The following WSCD2 variants were observed in gnomAD, a reference collection of about 807,000 sequenced individuals.
WSCD2 encodes the protein WSC domain sialate O sulfotransferase 2, also known as sialate:O-sulfotransferase 2.
Under a neutral mutation model 55.7 loss-of-function variants are expected in WSCD2, and 28 were observed. The ratio of observed to expected loss-of-function variants is 0.50; its 90% CI spans 0.37 to 0.69. WSCD2 has a LOEUF of 0.69. Among genes scored for constraint, WSCD2 ranks in the 30% least tolerant of loss-of-function variants. The probability of loss-of-function intolerance (pLI) is 0.00; values close to 1 mark genes in which losing one functional copy is unlikely to be tolerated. For synonymous variants in WSCD2, 301 were observed against 301.9 expected (o/e 1.00, Z 0.03); for missense variants, 616 against 762.1 (o/e 0.81, Z 2.26).
intron 3 of WSCD2, among the ~76,000 whole-genome samples, chr12:108,208,996 G>A (rs554754472): frequency 6.6e-6 from 1 of 152,302 alleles, no homozygotes; most frequent in Non-Finnish European, 1.5e-5. Flanking sequence ...GAGAACAAGA[G>A]CACAAGTGCT....
intron 1 of WSCD2, among the ~76,000 whole-genome samples, chr12:108,135,317 T>C (rs1208706226): frequency 2.0e-5 from 3 of 152,208 alleles, no homozygotes; most frequent in Non-Finnish European, 4.4e-5. Context: ...GAGCTTACAA[T>C]CTGAGGTAGA....
At chr12:108,244,002 G>A (rs770060587) in intron 8 of WSCD2, among the ~76,000 whole-genome samples, 5 of 152,168 alleles carry the variant, frequency 3.3e-5, no homozygotes, top group Admixed American at 6.5e-5. Context: ...ATTATACAAG[G>A]TGAATTGTCC....
At chr12:108,156,434 T>C (rs1878519532) in intron 1 of WSCD2, among the ~76,000 whole-genome samples, 1 of 152,214 alleles carries the variant, frequency 6.6e-6, no homozygotes. Context: ...TGGTGCATAG[T>C]AGGGTCTTCA....
chr12:108,240,440 C>T lies in WSCD2; in HGVS notation c.1241C>T (p.Ala414Val), dbSNP rs1889636746. 4 of 1,614,042 alleles carry T rather than the reference C, an allele frequency of 2.5e-6. No individual in the cohort carries two copies. The highest frequency in any genetic ancestry group is 3.4e-6 in the Non-Finnish European group (4 of 1,180,048). ...GQKEIEAFDA[A>V]ILLIRNPYKA... is the part of the protein sequence containing the mutation. ...AAAGAGATCGAGGCCTTCGACGCCG[C>T]CATCCTGCTCATCCGCAACCCCTAC... The change falls in exon 8 of 9, where the codon GCC becomes GTC. Residue 414 changes from alanine to valine, a missense_variant. Coordinates refer to ENST00000547525, the MANE Select transcript of WSCD2 (RefSeq NM_014653.4).
Position 108,240,559 on chromosome 12 carries a change from AGGAGG to A in WSCD2, c.1345+33_1345+37del, listed in dbSNP as rs760229322. 3.1e-3 allele frequency: 1,145 copies of A among 370,034 alleles called. 4 individuals carry two copies. The highest frequency in any genetic ancestry group is 3.8e-3 in the Non-Finnish European group (991 of 260,350). 22.9% of individuals were successfully genotyped at this position (370,034 alleles called of 1,614,324 possible). On this transcript the variant is annotated intron_variant, in intron 8 of 8. Coordinates refer to ENST00000547525, the MANE Select transcript of WSCD2 (RefSeq NM_014653.4). ...GAAGGGCAAAGGTACAGCTCGGGAG[AGGAGG>A]GGAGGGGAGGGGAGGGGCTTCGGGC...
At chr12:108,130,295 C>T (rs1320814307) in intron 1 of WSCD2, among the ~76,000 whole-genome samples, 3 of 152,116 alleles carry the variant, frequency 2.0e-5, no homozygotes, top group African/African-American at 4.8e-5. Flanking sequence ...TCTTTCTGGC[C>T]AGTGCAGAGT....
At chr12:108,159,892 G>C (rs1878889037) in intron 1 of WSCD2, among the ~76,000 whole-genome samples, 1 of 152,200 alleles carries the variant, frequency 6.6e-6, no homozygotes, top group African/African-American at 2.4e-5. Context: ...CAAGGATTCA[G>C]TACTGTTGAG....
chr12:108,246,043 G>A (rs2137249253), intron 8 of WSCD2, among the ~76,000 whole-genome samples: 1 of 152,362 alleles, frequency 6.6e-6, no homozygotes, highest in South Asian at 2.1e-4. Context: ...AGCACCTGCT[G>A]AGTACAGGCA....
At position 108,227,131 on chromosome 12, in the gene WSCD2, A is replaced by G. The variant is rs555016372; in HGVS notation, c.946A>G (p.Ser316Gly). 1 of 1,614,138 alleles carries G rather than the reference A, an allele frequency of 6.2e-7. No homozygotes were observed. Among genetic ancestry groups the G allele is most frequent in the Admixed American group, 1.7e-5 (1 of 60,016 alleles). ...AEEFESCGTP[S>G]YFIVYQTQVQ... is the part of the protein sequence containing the mutation. ...GGAGTTTGAGAGCTGCGGGACTCCT[A>G]GTTACTTCATTGTGTACCAGACACA... is the stretch of plus-strand genomic sequence containing the variant. Residue 316 changes from serine (S) to glycine (G), a missense_variant, in exon 6 of 9, where the codon AGT becomes GGT. Coordinates refer to ENST00000547525, the MANE Select transcript of WSCD2 (RefSeq NM_014653.4).
intron 2 of WSCD2, among the ~76,000 whole-genome samples, chr12:108,197,501 G>T (rs569833939): frequency 6.6e-6 from 1 of 152,226 alleles, no homozygotes; most frequent in South Asian, 2.1e-4. Flanking sequence ...CAGGCAAATG[G>T]TTTTACCTTC....
chr12:108,244,585 G>T, intron 8 of WSCD2: 1 of 702,658 alleles, frequency 1.4e-6, no homozygotes, highest in Non-Finnish European at 2.6e-6. Flanking sequence ...GTAGGAGGTA[G>T]GTCTTATCCA....
chr12:108,146,941 C>T (rs972889878), intron 1 of WSCD2, among the ~76,000 whole-genome samples: 3 of 152,218 alleles, frequency 2.0e-5, no homozygotes, highest in African/African-American at 7.2e-5. Context: ...TCCATACATA[C>T]AAAACATTTA....
At chr12:108,234,234 G>T (rs1295664925) in intron 7 of WSCD2, among the ~76,000 whole-genome samples, 1 of 152,240 alleles carries the variant, frequency 6.6e-6, no homozygotes, top group Non-Finnish European at 1.5e-5. Flanking sequence ...ATAAAAGTTG[G>T]CTCTGGGTAC....
At chr12:108,246,839 G>A (rs1890122853) in intron 8 of WSCD2, among the ~76,000 whole-genome samples, 1 of 152,144 alleles carries the variant, frequency 6.6e-6, no homozygotes, top group Non-Finnish European at 1.5e-5. Flanking sequence ...ACAGCATAAT[G>A]AGTGCTGTGG....
chr12:108,149,888 T>G (rs1026295850), intron 1 of WSCD2: 2 of 152,172 alleles, frequency 1.3e-5, no homozygotes, highest in South Asian at 4.2e-4. Context: ...TCATGTGATG[T>G]TCTCCACAAC....
chr12:108,239,639 G>A (rs750435622), intron 7 of WSCD2, among the ~76,000 whole-genome samples: 14 of 152,184 alleles, frequency 9.2e-5, no homozygotes, highest in East Asian at 3.8e-4. Context: ...GGGTAGGGAC[G>A]CTGACTCCCC....
chr12:108,189,740 A>G (rs1882929714), intron 1 of WSCD2: 1 of 152,220 alleles, frequency 6.6e-6, no homozygotes, highest in African/African-American at 2.4e-5. Context: ...AAAAACAAAC[A>G]GACAAAAACT....
chr12:108,194,366 T>TG (rs1336414191), intron 1 of WSCD2, among the ~76,000 whole-genome samples: 2 of 152,134 alleles, frequency 1.3e-5, no homozygotes, highest in Non-Finnish European at 2.9e-5. Flanking sequence ...GGCTACCGTC[T>TG]GGGGGGCTGT....
intron 8 of WSCD2, among the ~76,000 whole-genome samples, chr12:108,245,216 G>A (rs7961000): frequency 0.96 from 146,175 of 152,274 alleles, 70,173 homozygotes; most frequent in East Asian, 1. Context: ...TTCAATGCCC[G>A]TTGTGTAGAC....
Sources: allele counts gnomAD v4.1 joint callset (sites outside exome capture counted in the v4.1 genomes callset), GRCh38; gene constraint gnomAD v4.1.1; transcripts MANE v1.5; gene names NCBI Gene and HGNC (gene_info 2026-07-23, HGNC 2026-07-21).